Variants in ADGRV1 observed in about 807,000 individuals in gnomAD.
ADGRV1 encodes the protein G-protein coupled receptor 98.
Under a neutral mutation model 596.2 loss-of-function variants are expected in ADGRV1, and 359 were observed. The observed-to-expected ratio is 0.60, with a 90% CI of 0.55 to 0.66. The LOEUF (loss-of-function observed/expected upper bound fraction) is 0.66. Ranked by LOEUF, ADGRV1 falls within the 30% of genes least tolerant of loss-of-function variation. The pLI is 0.00. For missense variants in ADGRV1, 7,274 were observed against 7,575.6 expected (o/e 0.96, Z 1.48); for synonymous variants, 2,681 against 2,679.2 (o/e 1.00, Z -0.02).
chr5:90,609,443 T>C (rs1389017589), intron 1 of ADGRV1, among the ~76,000 whole-genome samples: 1 of 152,114 alleles, frequency 6.6e-6, no homozygotes. Context: ...CTTACTCTAT[T>C]TGTAACATTA....
chr5:90,730,852 T>C (rs774532964), intron 50 of ADGRV1, among the ~76,000 whole-genome samples: 13 of 152,276 alleles, frequency 8.5e-5, no homozygotes, highest in Admixed American at 2.0e-4. Flanking sequence ...CAAGCCTGAG[T>C]GGCTCCACAG....
chr5:90,581,373 T>G (rs1285596199), intron 1 of ADGRV1, among the ~76,000 whole-genome samples: 1 of 152,230 alleles, frequency 6.6e-6, no homozygotes, highest in African/African-American at 2.4e-5. Flanking sequence ...CTGCTCTGAT[T>G]TCTCCCCATC....
At chr5:90,571,556 A>G (rs62375070) in intron 1 of ADGRV1, among the ~76,000 whole-genome samples, 19,179 of 152,156 alleles carry the variant, frequency 0.13, 1,560 homozygotes, top group Non-Finnish European at 0.18. Flanking sequence ...ATTATGTTAC[A>G]TAATTGTCTA....
intron 76 of ADGRV1, among the ~76,000 whole-genome samples, chr5:90,826,231 A>G (rs1401246580): frequency 4.6e-5 from 7 of 152,188 alleles, no homozygotes; most frequent in African/African-American, 1.7e-4. Context: ...TACACAATAC[A>G]TGTTCTGTGA....
chr5:91,077,530 C>G (rs1444763600), intron 86 of ADGRV1, among the ~76,000 whole-genome samples: 1 of 152,128 alleles, frequency 6.6e-6, no homozygotes, highest in Non-Finnish European at 1.5e-5. Context: ...ATGGGGAGAA[C>G]AAAGAATAAG....
chr5:90,716,572 G>C lies in ADGRV1; in HGVS notation c.9290G>C (p.Ser3097Thr). The C allele has an allele frequency of 6.2e-7, 1 of 1,613,824 alleles. No homozygotes were observed. The highest frequency in any genetic ancestry group is 1.3e-5 in the African/African-American group (1 of 75,036). The change falls in exon 43 of 90, where the codon AGT (serine) becomes ACT (threonine). Residue 3097 changes from serine to threonine, a missense_variant. Physicochemically the swap from Ser to Thr is moderately conservative, Grantham distance 58 (BLOSUM62 1). Coordinates refer to ENST00000405460, the MANE Select transcript of ADGRV1 (RefSeq NM_032119.4). The part of the protein sequence containing the change: ...REPTALYVQE[S>T]VAVLYIVREP... ...CCAACAGCTCTCTACGTCCAGGAGAGTGTTGCAGTATTGTACATTGTTCGG... is the reference window on the plus strand; with the variant it reads ...CCAACAGCTCTCTACGTCCAGGAGACTGTTGCAGTATTGTACATTGTTCGG...
In ADGRV1 at chr5:90,653,916, G is replaced by A; in HGVS notation, c.4342G>A (p.Gly1448Arg). 1 of 1,566,002 alleles carries A rather than the reference G, an allele frequency of 6.4e-7. No individual in the cohort carries two copies. Among genetic ancestry groups the A allele is most frequent in the Non-Finnish European group, 8.7e-7 (1 of 1,154,352 alleles). The change falls in exon 20 of 90, where the codon GGA (glycine) becomes AGA (arginine). Residue 1448 changes from glycine (G) to arginine (R), a missense_variant. Physicochemically the swap from Gly to Arg is moderately radical, Grantham distance 125 (BLOSUM62 -2). Around this residue, in one of 5 missense-constraint regions of ADGRV1, gnomAD observed 38 missense variants for 66.7 expected, o/e 0.57. Transcript: ENST00000405460. Reference protein sequence around the residue: ...FYLDGNAMPRGIKSLKGEAIT... With the variant: ...FYLDGNAMPRRIKSLKGEAIT... ...CCTGGATGGAAATGCAATGCCCAGG[G>A]GAATCAAGAGTCTGAAAGGAGAAGC...
intron 1 of ADGRV1, among the ~76,000 whole-genome samples, chr5:90,602,687 G>C (rs1169948158): frequency 6.6e-6 from 1 of 152,204 alleles, no homozygotes; most frequent in Non-Finnish European, 1.5e-5. Flanking sequence ...ATGTAATGTG[G>C]TGTCCTGGAT....
At chr5:91,151,203 T>A (rs1390503696) in intron 88 of ADGRV1, among the ~76,000 whole-genome samples, 2 of 152,208 alleles carry the variant, frequency 1.3e-5, no homozygotes, top group Non-Finnish European at 2.9e-5. Context: ...CAGAGATAAC[T>A]TTTGTCCTTC....
intron 64 of ADGRV1, chr5:90,781,064 C>T: frequency 4.6e-6 from 1 of 215,666 alleles, no homozygotes; most frequent in South Asian, 7.5e-5. Flanking sequence ...TTACCTATCT[C>T]TGAGTGCACT....
At chr5:90,573,233 A>G (rs1174622746) in intron 1 of ADGRV1, among the ~76,000 whole-genome samples, 1 of 152,174 alleles carries the variant, frequency 6.6e-6, no homozygotes, top group Non-Finnish European at 1.5e-5. Context: ...AATGTGGTTG[A>G]ATATTATCTG....
intron 15 of ADGRV1, 59 bp downstream of exon 15, chr5:90,644,928 TATTAAATA>T: frequency 8.7e-7 from 1 of 1,148,020 alleles, no homozygotes. Context: ...AATTATTTTT[TATTAAATA>T]ATTAAACATC....
chr5:90,687,547 A>G (rs1745846069), intron 29 of ADGRV1, among the ~76,000 whole-genome samples: 3 of 152,188 alleles, frequency 2.0e-5, no homozygotes, highest in African/African-American at 7.2e-5. Flanking sequence ...AGTTCTGGCC[A>G]GGGCAATTAG....
chr5:90,662,213 G>A lies in ADGRV1; in HGVS notation c.4752+3935G>A, dbSNP rs147846277. On this transcript the variant is annotated intron_variant, in intron 21 of 89. Coordinates refer to ENST00000405460, the MANE Select transcript of ADGRV1 (RefSeq NM_032119.4). Reference sequence around the variant, plus strand: ...TTTTTTTTTTTTTTTTTTTTGAGACGGAGTCACGCTCTGTCGCCCACCCAG... The same window carrying A: ...TTTTTTTTTTTTTTTTTTTTGAGACAGAGTCACGCTCTGTCGCCCACCCAG... Among the ~76,000 whole-genome samples the A allele has an allele frequency of 4.7e-3, 547 of 116,316 alleles. 3 individuals are homozygous for A. The highest frequency in any genetic ancestry group is 0.014 in the Middle Eastern group (2 of 140). 76.3% of individuals were successfully genotyped at this position (116,316 alleles called of 152,430 possible).
intron 83 of ADGRV1, among the ~76,000 whole-genome samples, chr5:90,880,518 T>C (rs1271337033): frequency 6.6e-6 from 1 of 152,204 alleles, no homozygotes; most frequent in African/African-American, 2.4e-5. Context: ...AGTAGGACAT[T>C]GACTGACATG....
chr5:91,153,449 A>G lies in ADGRV1; in HGVS notation c.18802+51A>G, dbSNP rs946799221. 156 of 1,335,542 alleles carry G rather than the reference A, an allele frequency of 1.2e-4. 1 individual carries two copies. In the Admixed American group the frequency reaches 3.6e-3, roughly 31 times the overall value. The allele number at this position is 1,335,542 out of a possible 1,614,324, so 82.7% of individuals were successfully genotyped here. On this transcript the variant is annotated intron_variant, in intron 89 of 89. Coordinates refer to ENST00000405460, the MANE Select transcript of ADGRV1 (RefSeq NM_032119.4). ...TAGAAGTAGGCACTCTTGCTATGTT[A>G]CAATTTATATTTTCTTTCCATGAAG...
intron 83 of ADGRV1, among the ~76,000 whole-genome samples, chr5:90,961,884 A>G (rs1457305009): frequency 6.6e-6 from 1 of 152,156 alleles, no homozygotes; most frequent in Non-Finnish European, 1.5e-5. Flanking sequence ...TGAGAATAGT[A>G]TTATATTTGC....
chr5:90,769,369 CT>C (rs1208971637), intron 59 of ADGRV1, among the ~76,000 whole-genome samples: 1 of 152,176 alleles, frequency 6.6e-6, no homozygotes, highest in East Asian at 1.9e-4. Flanking sequence ...CCTATTATGT[CT>C]TTCCTCTCTT....
At chr5:90,584,716 G>A (rs148484899) in intron 1 of ADGRV1, among the ~76,000 whole-genome samples, 45 of 152,350 alleles carry the variant, frequency 3.0e-4, no homozygotes, top group Admixed American at 7.8e-4. Flanking sequence ...AGCAAGTGGT[G>A]CAAGAGACCA....
Sources: gnomAD v4.1 joint callset for allele counts (sites outside exome capture counted in the v4.1 genomes callset) on GRCh38, gnomAD v4.1.1 for gene constraint, gnomAD v4.1.1 regional missense constraint, MANE v1.5 for transcripts, NCBI Gene and HGNC (gene_info 2026-07-23, HGNC 2026-07-21) for gene names.